The following SLC24A3 variants were observed in gnomAD, a reference collection of about 807,000 sequenced individuals.
SLC24A3 encodes sodium/potassium/calcium exchanger 3.
In SLC24A3, 28 loss-of-function variants were observed where a neutral mutation model predicts 75.8. The observed-to-expected ratio is 0.37, with a 90% CI of 0.27 to 0.51. SLC24A3 has a LOEUF of 0.51. Ranked by LOEUF, SLC24A3 falls within the 20% of genes least tolerant of loss-of-function variation. The pLI is 0.94. For synonymous variants in SLC24A3, 372 were observed against 334.1 expected (o/e 1.11, Z -1.24); for missense variants, 663 against 847.8 (o/e 0.78, Z 2.71).
chr20:19,663,763 G>T, intron 7 of SLC24A3, among the ~76,000 whole-genome samples: 2 of 152,004 alleles, frequency 1.3e-5, no homozygotes, highest in Admixed American at 1.3e-4. Flanking sequence ...ACCCGGATTT[G>T]CCCACTGTTT....
intron 2 of SLC24A3, among the ~76,000 whole-genome samples, chr20:19,401,259 G>A (rs1242583432): frequency 6.6e-6 from 1 of 152,198 alleles, no homozygotes; most frequent in South Asian, 2.1e-4. Context: ...GGATGGTGCT[G>A]CCAATGATGA....
At chr20:19,594,028 A>G (rs1458276422) in intron 6 of SLC24A3, among the ~76,000 whole-genome samples, 1 of 152,192 alleles carries the variant, frequency 6.6e-6, no homozygotes, top group Non-Finnish European at 1.5e-5. Flanking sequence ...CTTTCTGCAC[A>G]GGCAGAGCCA....
intron 2 of SLC24A3, among the ~76,000 whole-genome samples, chr20:19,507,922 T>G (rs765638086): frequency 6.6e-6 from 1 of 152,204 alleles, no homozygotes; most frequent in Non-Finnish European, 1.5e-5. Flanking sequence ...TATCCCAGCC[T>G]GGTGGGTGCT....
intron 2 of SLC24A3, among the ~76,000 whole-genome samples, chr20:19,505,646 AGTGT>A (rs1448758058): frequency 6.6e-6 from 1 of 152,172 alleles, no homozygotes; most frequent in Non-Finnish European, 1.5e-5. Flanking sequence ...AACCCTTAAC[AGTGT>A]AGAACACACC....
intron 15 of SLC24A3, among the ~76,000 whole-genome samples, chr20:19,702,213 C>CA (rs994810381): frequency 6.6e-6 from 1 of 151,818 alleles, no homozygotes; most frequent in African/African-American, 2.4e-5. Context: ...CTTTAGAGAA[C>CA]AAAAAAAATT....
At chr20:19,422,588 C>T (rs1273764295) in intron 2 of SLC24A3, among the ~76,000 whole-genome samples, 2 of 152,274 alleles carry the variant, frequency 1.3e-5, no homozygotes, top group African/African-American at 2.4e-5. Flanking sequence ...ACATTAAGGT[C>T]ACCTGGAGAA....
chr20:19,257,269 G>A (rs1982843040), intron 1 of SLC24A3, among the ~76,000 whole-genome samples: 1 of 152,156 alleles, frequency 6.6e-6, no homozygotes. Context: ...ATCTACAGCT[G>A]TGGATGGGGC....
In SLC24A3 at chr20:19,296,165, C is replaced by T. The variant is rs563858814; in HGVS notation, c.271+15078C>T. Reference sequence around the variant, plus strand: ...TGCATAGAGGTGTTTATAGTATTCTCTGACAGTTGTTTGTATTTCAGTGGG... The same window carrying T: ...TGCATAGAGGTGTTTATAGTATTCTTTGACAGTTGTTTGTATTTCAGTGGG... On this transcript the variant is annotated intron_variant, in intron 2 of 16. Coordinates refer to ENST00000328041, the MANE Select transcript of SLC24A3 (RefSeq NM_020689.4). Among the ~76,000 whole-genome samples the T allele has an allele frequency of 7.9e-5, 12 of 151,738 alleles. No homozygotes were observed. The South Asian group carries it at 2.5e-3, about 32-fold the overall frequency.
chr20:19,632,703 T>C (rs1254563232), intron 6 of SLC24A3, among the ~76,000 whole-genome samples: 1 of 152,200 alleles, frequency 6.6e-6, no homozygotes, highest in Non-Finnish European at 1.5e-5. Context: ...AAACAGATTG[T>C]ATACACCACC....
chr20:19,563,258 A>C (rs755349535), intron 3 of SLC24A3, among the ~76,000 whole-genome samples: 2 of 152,304 alleles, frequency 1.3e-5, no homozygotes, highest in African/African-American at 2.4e-5. Context: ...CTGAGATTTT[A>C]AAATTCAACA....
intron 6 of SLC24A3, among the ~76,000 whole-genome samples, chr20:19,643,810 G>T (rs1437465590): frequency 6.6e-6 from 1 of 152,186 alleles, no homozygotes; most frequent in Non-Finnish European, 1.5e-5. Context: ...TACTATGATG[G>T]TATATTCAGG....
At chr20:19,507,336 G>A (rs1988475855) in intron 2 of SLC24A3, among the ~76,000 whole-genome samples, 1 of 152,232 alleles carries the variant, frequency 6.6e-6, no homozygotes, top group Non-Finnish European at 1.5e-5. Context: ...CTGTAGGGAT[G>A]CCAAGGAGCA....
At chr20:19,556,412 G>A (rs191197116) in intron 3 of SLC24A3, among the ~76,000 whole-genome samples, 91 of 152,084 alleles carry the variant, frequency 6.0e-4, no homozygotes, top group African/African-American at 2.0e-3. Flanking sequence ...CCACCCCATC[G>A]TCCAAATTAG....
intron 15 of SLC24A3, among the ~76,000 whole-genome samples, chr20:19,704,907 T>A (rs2032912493): frequency 6.6e-6 from 1 of 151,990 alleles, no homozygotes; most frequent in South Asian, 2.1e-4. Context: ...TTAGCTCAGT[T>A]CTGCAGATTA....
intron 1 of SLC24A3, among the ~76,000 whole-genome samples, chr20:19,215,420 G>C (rs550225382): frequency 4.6e-5 from 7 of 152,128 alleles, no homozygotes; most frequent in Non-Finnish European, 1.0e-4. Flanking sequence ...CACCATTTGG[G>C]TGTAGCTTTG....
chr20:19,583,418 A>G (rs1021727886), intron 4 of SLC24A3, among the ~76,000 whole-genome samples: 1 of 152,076 alleles, frequency 6.6e-6, no homozygotes. Flanking sequence ...GCTGGGCGTT[A>G]GGAATTATTC....
intron 2 of SLC24A3, among the ~76,000 whole-genome samples, chr20:19,421,839 A>G (rs1986923359): frequency 6.6e-6 from 1 of 152,182 alleles, no homozygotes; most frequent in Non-Finnish European, 1.5e-5. Context: ...TCCCTTCTGC[A>G]AAATGCACGA....
At chr20:19,228,017 T>C (rs140275623) in intron 1 of SLC24A3, among the ~76,000 whole-genome samples, 2 of 152,358 alleles carry the variant, frequency 1.3e-5, no homozygotes, top group East Asian at 3.9e-4. Flanking sequence ...TCAAGATTCA[T>C]GATTATTTCT....
In SLC24A3 at chr20:19,649,886, T is replaced by A. The variant is rs112042311; in HGVS notation, c.613-4176T>A. ...CTCAACTTCATCAAGATCAGGTTTC[T>A]GGGAAATGAGGGTAAGCCAAATGGT... On this transcript the variant is annotated intron_variant, in intron 6 of 16. Coordinates refer to ENST00000328041, the MANE Select transcript of SLC24A3 (RefSeq NM_020689.4). Among the ~76,000 whole-genome samples, 1,060 of 152,338 alleles carry A rather than the reference T, an allele frequency of 7.0e-3. 13 individuals carry two copies. Among genetic ancestry groups the A allele is most frequent in the African/African-American group, 0.024 (1,010 of 41,568 alleles).
Sources: gnomAD v4.1 joint callset for allele counts (sites outside exome capture counted in the v4.1 genomes callset) on GRCh38, gnomAD v4.1.1 for gene constraint, MANE v1.5 for transcripts, NCBI Gene and HGNC (gene_info 2026-07-23, HGNC 2026-07-21) for gene names.